The following ERAP2 variants were observed in gnomAD, a reference collection of about 807,000 sequenced individuals.
The protein encoded by ERAP2 is endoplasmic reticulum aminopeptidase 2, also known as leukocyte-derived arginine aminopeptidase.
ERAP2 carries 118 observed loss-of-function variants against 111.1 expected under a neutral mutation model. The observed-to-expected ratio is 1.06, with a 90% CI of 0.92 to 1.24. The LOEUF (loss-of-function observed/expected upper bound fraction) is 1.24, where lower values mean the gene tolerates loss of function less well. ERAP2 is among the 50% of genes most tolerant of loss of function. The pLI is 0.00. For missense variants in ERAP2, 1,131 were observed against 1,125.8 expected (o/e 1.00, Z -0.07); for synonymous variants, 410 against 401.2 (o/e 1.02, Z -0.26).
chr5:96,887,131 A>C (rs1251720477), intron 4 of ERAP2, among the ~76,000 whole-genome samples: 1 of 149,892 alleles, frequency 6.7e-6, no homozygotes, highest in African/African-American at 2.4e-5. Context: ...ACACACATAC[A>C]TATATACCCT....
chr5:96,877,192 C>T (rs1431018747), intron 1 of ERAP2, among the ~76,000 whole-genome samples: 1 of 152,126 alleles, frequency 6.6e-6, no homozygotes, highest in Non-Finnish European at 1.5e-5. Flanking sequence ...TGAGGCTGGT[C>T]TCGAATTCCT....
At chr5:96,913,132 T>G (rs1344737645) in intron 16 of ERAP2, among the ~76,000 whole-genome samples, 185 bp from the exon 17 acceptor site, 2 of 152,226 alleles carry the variant, frequency 1.3e-5, no homozygotes, top group Non-Finnish European at 2.9e-5. Context: ...GTAAATGTTT[T>G]TGATAGGAAC....
In ERAP2 at chr5:96,879,972, A is replaced by C; in HGVS notation, c.287A>C (p.Lys96Thr). 6.2e-7 allele frequency: 1 copy of C among 1,614,194 alleles called. No individual in the cohort carries two copies. The highest frequency in any genetic ancestry group is 1.7e-4 in the Middle Eastern group (1 of 6,060). Residue 96 changes from lysine (K) to threonine (T), a missense_variant, in exon 2 of 19, where the codon AAG becomes ACG. Physicochemically the swap from Lys to Thr is moderately conservative, Grantham distance 78. Coordinates refer to ENST00000437043, the MANE Select transcript of ERAP2 (RefSeq NM_022350.5). Reference sequence around the variant, plus strand: ...TCTCTGGACTTTGTTGCATCTGAGAAGATCGAAGTCTTGGTCAGCAATGCT... The same window carrying C: ...TCTCTGGACTTTGTTGCATCTGAGACGATCGAAGTCTTGGTCAGCAATGCT... ...LTSLDFVASEKIEVLVSNATQ... is the reference protein window; with the variant it reads ...LTSLDFVASETIEVLVSNATQ...
chr5:96,881,492 C>G, intron 2 of ERAP2: 1 of 456,152 alleles, frequency 2.2e-6, no homozygotes, highest in Non-Finnish European at 4.4e-6. Context: ...TAAGAGGAGT[C>G]TGGCTCAGTG....
rs1223867866 is a variant in ERAP2 at position 96,918,630 on chromosome 5, T to G, written c.*1025T>G. 3.3e-5 allele frequency: 5 copies of G among 152,238 alleles called. No individual in the cohort carries two copies. Among genetic ancestry groups the G allele is most frequent in the African/African-American group, 9.6e-5 (4 of 41,464 alleles). 9.4% of individuals were successfully genotyped at this position (152,238 alleles called of 1,614,324 possible). A position where few individuals can be genotyped will look rare whatever the true frequency, so the allele number is the denominator to read the frequency against. On this transcript the variant is annotated 3_prime_UTR_variant, in exon 19 of 19. Transcript: ENST00000437043. ...GGAATATAATTCATACCATTTGGTTTAAGCCTTACATTCATGAAGTACCTC... is the reference window on the plus strand; with the variant it reads ...GGAATATAATTCATACCATTTGGTTGAAGCCTTACATTCATGAAGTACCTC...
intron 13 of ERAP2, among the ~76,000 whole-genome samples, chr5:96,904,033 C>T (rs1369362676): frequency 6.6e-6 from 1 of 152,114 alleles, no homozygotes; most frequent in African/African-American, 2.4e-5. Flanking sequence ...CACCAAATAC[C>T]GGTGTAATCT....
At chr5:96,891,508 TA>T in intron 5 of ERAP2, among the ~76,000 whole-genome samples, 1 of 31,816 alleles carries the variant, frequency 3.1e-5, no homozygotes, top group Admixed American at 3.9e-4. Flanking sequence ...TGTATATATA[TA>T]TATATATGCC....
At chr5:96,911,861 T>A in intron 15 of ERAP2, among the ~76,000 whole-genome samples, 2 of 33,542 alleles carry the variant, frequency 6.0e-5, no homozygotes, top group Non-Finnish European at 5.6e-5. Flanking sequence ...AGTAAGACCC[T>A]GTCTCAAAAA....
intron 17 of ERAP2, among the ~76,000 whole-genome samples, chr5:96,913,798 T>C (rs1461031517): frequency 6.6e-6 from 1 of 152,208 alleles, no homozygotes; most frequent in Non-Finnish European, 1.5e-5. Flanking sequence ...ATGCCTTGTA[T>C]AGTGCATCAC....
chr5:96,910,476 A>G (rs1003145590), intron 15 of ERAP2, among the ~76,000 whole-genome samples: 1 of 152,038 alleles, frequency 6.6e-6, no homozygotes, highest in Non-Finnish European at 1.5e-5. Flanking sequence ...TTAAAAAAAA[A>G]CCTTTTAAAT....
chr5:96,910,591 T>G (rs2112357262), intron 15 of ERAP2, among the ~76,000 whole-genome samples: 1 of 152,350 alleles, frequency 6.6e-6, no homozygotes, highest in African/African-American at 2.4e-5. Flanking sequence ...TTATTTCATC[T>G]TTATGCTAGT....
At chr5:96,900,926 A>G (rs899888053) in intron 10 of ERAP2, among the ~76,000 whole-genome samples, 7 of 152,162 alleles carry the variant, frequency 4.6e-5, no homozygotes, top group African/African-American at 1.7e-4. Flanking sequence ...TGGCCTCCCA[A>G]AATGCTGGGA....
At chr5:96,904,622 C>T (rs542355719) in intron 13 of ERAP2, among the ~76,000 whole-genome samples, 3 of 152,290 alleles carry the variant, frequency 2.0e-5, no homozygotes, top group African/African-American at 4.8e-5. Flanking sequence ...AGCTAAGAAG[C>T]AAGCTATTGC....
chr5:96,908,217 AC>A (rs1474603729), intron 13 of ERAP2, among the ~76,000 whole-genome samples: 4 of 152,164 alleles, frequency 2.6e-5, no homozygotes, highest in Non-Finnish European at 4.4e-5. Context: ...TTGGGTGTTC[AC>A]AAGAATGGCT....
chr5:96,911,678 C>G (rs577201999), intron 15 of ERAP2, among the ~76,000 whole-genome samples: 10 of 151,684 alleles, frequency 6.6e-5, no homozygotes, highest in Non-Finnish European at 1.2e-4. Flanking sequence ...TTGAGACCAG[C>G]CTTGTCAACA....
chr5:96,894,814 T>C (rs1306686159), intron 6 of ERAP2, among the ~76,000 whole-genome samples: 2 of 152,100 alleles, frequency 1.3e-5, no homozygotes, highest in Non-Finnish European at 2.9e-5. Flanking sequence ...CTACTTAATA[T>C]AAAAAGATAA....
At chr5:96,893,764 A>G (rs1287476437) in intron 6 of ERAP2, among the ~76,000 whole-genome samples, 1 of 152,158 alleles carries the variant, frequency 6.6e-6, no homozygotes, top group Admixed American at 6.5e-5. Context: ...TAACCCTGGC[A>G]AAGATTTCCT....
intron 2 of ERAP2, among the ~76,000 whole-genome samples, chr5:96,882,488 T>C (rs893168656): frequency 6.6e-6 from 1 of 152,244 alleles, no homozygotes; most frequent in East Asian, 1.9e-4. Context: ...TTGAATCTTA[T>C]GAATCTCTCT....
chr5:96,905,238 G>A (rs1431054214), intron 13 of ERAP2, among the ~76,000 whole-genome samples: 1 of 152,168 alleles, frequency 6.6e-6, no homozygotes, highest in Non-Finnish European at 1.5e-5. Flanking sequence ...TGAGAAAAAG[G>A]CAGAATGTAA....
Sources: allele counts gnomAD v4.1 joint callset (sites outside exome capture counted in the v4.1 genomes callset), GRCh38; gene constraint gnomAD v4.1.1; transcripts MANE v1.5; gene names NCBI Gene and HGNC (gene_info 2026-07-23, HGNC 2026-07-21).